Variants in SNX10 observed in about 807,000 individuals in gnomAD.
SNX10 encodes the protein sorting nexin-10.
SNX10 carries 25 observed loss-of-function variants against 28.5 expected under a neutral mutation model. That is an observed-to-expected ratio of 0.88 (90% confidence interval 0.64 to 1.22). The LOEUF (loss-of-function observed/expected upper bound fraction) is 1.22. Ranked by LOEUF, SNX10 falls within the 50% of genes most tolerant of loss-of-function variation. The pLI is 0.00. For missense variants in SNX10, 223 were observed against 242.6 expected, an observed-to-expected ratio of 0.92 and a Z score of 0.54; for synonymous variants, 62 against 81.4, an observed-to-expected ratio of 0.76 and a Z score of 1.28.
intron 2 of SNX10, among the ~76,000 whole-genome samples, chr7:26,346,852 C>A (rs1290112275): frequency 6.6e-6 from 1 of 152,206 alleles, no homozygotes; most frequent in African/African-American, 2.4e-5. Context: ...TCAGGTTTGC[C>A]CCACTTGTTG....
chr7:26,351,673 T>TTTTTTTTTTTTTTTTTTTTTTTTTTTTTC (rs1788609737), intron 2 of SNX10, among the ~76,000 whole-genome samples: 1 of 133,972 alleles, frequency 7.5e-6, no homozygotes, highest in African/African-American at 2.9e-5. Flanking sequence ...TTTTTTTTTT[T>TTTTTTTTTTTTTTTTTTTTTTTTTTTTTC]TGAGACCGAG....
chr7:26,343,707 G>C lies in SNX10; in HGVS notation c.-23-2713G>C, dbSNP rs1415743960. On this transcript the variant is annotated intron_variant, in intron 1 of 6. Coordinates refer to ENST00000338523, the MANE Select transcript of SNX10 (RefSeq NM_013322.3). ...GTGGAGCACGTGATGTGTGTGGGGA[G>C]CATGGGCAGATCCTGAGATGGTGGA... Among the ~76,000 whole-genome samples the C allele has an allele frequency of 2.0e-5, 3 of 152,302 alleles. No homozygotes were observed. The East Asian group carries it at 5.8e-4, about 29-fold the overall frequency.
chr7:26,324,047 G>T (rs1787405264), intron 1 of SNX10, among the ~76,000 whole-genome samples: 1 of 152,104 alleles, frequency 6.6e-6, no homozygotes, highest in African/African-American at 2.4e-5. Flanking sequence ...AATTTCTCTT[G>T]AAGTTTATAT....
intron 2 of SNX10, among the ~76,000 whole-genome samples, chr7:26,352,518 C>T (rs569346420): frequency 1.3e-5 from 2 of 152,312 alleles, no homozygotes; most frequent in Non-Finnish European, 2.9e-5. Context: ...AATTTACTAA[C>T]TCATTATTAA....
intron 1 of SNX10, among the ~76,000 whole-genome samples, chr7:26,332,776 T>C (rs573078744): frequency 6.6e-6 from 1 of 152,364 alleles, no homozygotes; most frequent in East Asian, 1.9e-4. Flanking sequence ...CTCAACTTCA[T>C]TCTTTTGCGT....
intron 1 of SNX10, among the ~76,000 whole-genome samples, chr7:26,322,979 G>A (rs1787364370): frequency 6.6e-6 from 1 of 152,162 alleles, no homozygotes; most frequent in Non-Finnish European, 1.5e-5. Context: ...CGGGTACGGT[G>A]GCTCATGACT....
At chr7:26,293,601 CTG>C (rs1342128532) in intron 1 of SNX10, among the ~76,000 whole-genome samples, 1 of 152,186 alleles carries the variant, frequency 6.6e-6, no homozygotes, top group Non-Finnish European at 1.5e-5. Flanking sequence ...TTAGAAGAAA[CTG>C]TGTGAAGATG....
chr7:26,320,573 C>T (rs1040703357), intron 1 of SNX10, among the ~76,000 whole-genome samples: 1 of 152,108 alleles, frequency 6.6e-6, no homozygotes, highest in African/African-American at 2.4e-5. Context: ...GCTGGGACTA[C>T]AGGCGCCCGC....
At chr7:26,351,413 C>G (rs1788588550) in intron 2 of SNX10, among the ~76,000 whole-genome samples, 1 of 152,110 alleles carries the variant, frequency 6.6e-6, no homozygotes, top group African/African-American at 2.4e-5. Flanking sequence ...GCCTTCCTTC[C>G]AAAAACCTAT....
chr7:26,296,451 G>C (rs1199095683), intron 1 of SNX10, among the ~76,000 whole-genome samples: 1 of 152,176 alleles, frequency 6.6e-6, no homozygotes, highest in African/African-American at 2.4e-5. Context: ...AGGAGCTGGA[G>C]GCTGCAGTGA....
At chr7:26,359,462 A>C (rs2128020816) in intron 2 of SNX10, among the ~76,000 whole-genome samples, 1 of 152,288 alleles carries the variant, frequency 6.6e-6, no homozygotes, top group South Asian at 2.1e-4. Flanking sequence ...AGCAATAAGA[A>C]ATGCCTGAAT....
Position 26,346,426 on chromosome 7 carries a change from C to G in SNX10, c.-17C>G. 6.2e-7 allele frequency: 1 copy of G among 1,604,346 alleles called. No homozygotes were observed. The highest frequency in any genetic ancestry group is 8.5e-7 in the Non-Finnish European group (1 of 1,171,146). ...TGGATATCTTATTTTTCAGATTGAT[C>G]GTGTCCTGTGCTGAAGATGTTTCCG... On this transcript the variant is annotated 5_prime_UTR_variant, in exon 2 of 7. The change creates a new upstream start codon in the 5' untranslated region. Transcript: ENST00000338523.
At chr7:26,294,537 G>A (rs1786038442) in intron 1 of SNX10, among the ~76,000 whole-genome samples, 1 of 152,182 alleles carries the variant, frequency 6.6e-6, no homozygotes, top group Non-Finnish European at 1.5e-5. Context: ...TTGTGAAAGA[G>A]TTTTTATGTG....
intron 1 of SNX10, among the ~76,000 whole-genome samples, chr7:26,326,919 C>A (rs1228528149): frequency 6.7e-6 from 1 of 149,866 alleles, no homozygotes; most frequent in East Asian, 2.0e-4. Flanking sequence ...AGCGATTATC[C>A]TTTAGAAGCA....
rs368400155 is a variant in SNX10, at chr7:26,318,116, G to A, written c.-24+26030G>A. Among the ~76,000 whole-genome samples the A allele has an allele frequency of 1.6e-3, 240 of 152,314 alleles. 2 individuals are homozygous for A. Among genetic ancestry groups the A allele is most frequent in the African/African-American group, 5.6e-3 (234 of 41,564 alleles). ...TATACTAGAATTTTAAGACGCAAAT[G>A]TTAGATCACATCGCCTACATTTCTG... is the stretch of plus-strand genomic sequence containing the variant. On this transcript the variant is annotated intron_variant, in intron 1 of 6. Coordinates refer to ENST00000338523, the MANE Select transcript of SNX10 (RefSeq NM_013322.3).
intron 1 of SNX10, among the ~76,000 whole-genome samples, chr7:26,318,954 C>T (rs1787199598): frequency 6.6e-6 from 1 of 152,176 alleles, no homozygotes; most frequent in Admixed American, 6.5e-5. Flanking sequence ...TGTTCAAGGT[C>T]ACACAGCCAT....
rs1420608086 is a variant in SNX10 at position 26,371,901 on chromosome 7, A to G, written c.392A>G (p.Glu131Gly). The change falls in exon 6 of 7, where the codon GAG (glutamate) becomes GGG (glycine). Residue 131 changes from glutamate to glycine, a missense_variant. Coordinates refer to ENST00000338523, the MANE Select transcript of SNX10 (RefSeq NM_013322.3). ...AGCCATCTGAATTCAGAAGACATTG[A>G]GGCGTGTGTTTCTGGGCAGACTAAG... ...LQSHLNSEDI[E>G]ACVSGQTKYS... The G allele has an allele frequency of 1.2e-6, 2 of 1,613,726 alleles. No individual in the cohort carries two copies. Among genetic ancestry groups the G allele is most frequent in the Non-Finnish European group, 1.7e-6 (2 of 1,179,686 alleles).
At chr7:26,347,311 T>A (rs1221799586) in intron 2 of SNX10, among the ~76,000 whole-genome samples, 1 of 152,226 alleles carries the variant, frequency 6.6e-6, no homozygotes, top group Non-Finnish European at 1.5e-5. Context: ...CAGCCTTGCT[T>A]GCATCCCTTA....
chr7:26,355,715 C>T (rs1356670051), intron 2 of SNX10, among the ~76,000 whole-genome samples: 1 of 152,146 alleles, frequency 6.6e-6, no homozygotes, highest in Non-Finnish European at 1.5e-5. Context: ...AAAACTTCCC[C>T]CTCCAAAACA....
Sources: gnomAD v4.1 joint callset for allele counts (sites outside exome capture counted in the v4.1 genomes callset) on GRCh38, gnomAD v4.1.1 for gene constraint, MANE v1.5 for transcripts, NCBI Gene and HGNC (gene_info 2026-07-23, HGNC 2026-07-21) for gene names.